The following USP34 variants were observed in gnomAD, a reference collection of about 807,000 sequenced individuals.
USP34 encodes ubiquitin carboxyl-terminal hydrolase 34.
A neutral mutation model predicts 460.3 loss-of-function variants in USP34; 70 were observed. The ratio of observed to expected loss-of-function variants is 0.15; its 90% CI spans 0.13 to 0.19. USP34 has a LOEUF of 0.19. USP34 is among the 10% of genes least tolerant of loss of function. The pLI, the probability that USP34 is intolerant of heterozygous loss-of-function variation, is 1.00. For synonymous variants in USP34, 1,647 were observed against 1,405.3 expected (o/e 1.17, Z -3.85); for missense variants, 3,985 against 4,236.2 (o/e 0.94, Z 1.65).
At chr2:61,194,568 G>T (rs1027139440) in intron 75 of USP34, among the ~76,000 whole-genome samples, 2 of 152,184 alleles carry the variant, frequency 1.3e-5, no homozygotes, top group Non-Finnish European at 2.9e-5. Context: ...CGTGATCACA[G>T]ATCAGGGGCA....
At chr2:61,387,388 C>T (rs147503077) in intron 5 of USP34, among the ~76,000 whole-genome samples, 1,548 of 151,836 alleles carry the variant, frequency 0.01, 26 homozygotes, top group African/African-American at 0.035. Flanking sequence ...TCGCTTGAAC[C>T]CAGGAGGTGG....
At chr2:61,463,719 A>G (rs1398698255) in intron 1 of USP34, among the ~76,000 whole-genome samples, 1 of 151,912 alleles carries the variant, frequency 6.6e-6, no homozygotes, top group Non-Finnish European at 1.5e-5. Flanking sequence ...CTGTAATCCC[A>G]GCTACTCAGG....
In USP34 at chr2:61,204,618, AGTTTGG is replaced by A; in HGVS notation, c.9155-23_9155-18del. The A allele has an allele frequency of 6.2e-7, 1 of 1,601,630 alleles. No homozygotes were observed. The highest frequency in any genetic ancestry group is 8.5e-7 in the Non-Finnish European group (1 of 1,171,616). On this transcript the variant is annotated intron_variant, in intron 72 of 79. Coordinates refer to ENST00000398571, the MANE Select transcript of USP34 (RefSeq NM_014709.4). ...TGAGGACATCTGAAAATAAAAACAA[AGTTTGG>A]GTAGCAAAAAATTAAGAGTTATATC...
chr2:61,229,619 C>T lies in USP34; in HGVS notation c.7128G>A (p.Leu2376=). The change falls in exon 59 of 80, where the codon TTG becomes TTA. Residue 2376 remains leucine (L), a synonymous_variant. Transcript: ENST00000398571. ...NQIVRQMFQR[L]CIHVIQRLRP... is the part of the protein sequence containing the mutation. ...TCAGCCTCTGAATCACATGGATACA[C>T]AAACGCTGAAACATCTGTGAAGAAA... 6.2e-7 allele frequency: 1 copy of T among 1,612,046 alleles called. No individual in the cohort carries two copies. Among genetic ancestry groups the T allele is most frequent in the Non-Finnish European group, 8.5e-7 (1 of 1,179,334 alleles).
rs2103807159 is a variant in USP34, at chr2:61,220,326, A to G, written c.8031T>C (p.Tyr2677=). ...WVERFLLAHN[Y]PRVRTSAAYL... ...TTGACTTACAAGTCCTCACTCTAGG[A>G]TAATTGTGAGCCAAAAGAAACCGCT... is the stretch of plus-strand genomic sequence containing the variant. Residue 2677 remains tyrosine, a synonymous_variant, in exon 67 of 80, where the codon TAT becomes TAC. Transcript: ENST00000398571. 1 of 1,613,608 alleles carries G rather than the reference A, an allele frequency of 6.2e-7. No individual in the cohort carries two copies. Among genetic ancestry groups the G allele is most frequent in the Middle Eastern group, 1.7e-4 (1 of 6,060 alleles).
At chr2:61,301,529 T>A in intron 27 of USP34, 75 bp from the exon 28 acceptor site, 1 of 1,309,946 alleles carries the variant, frequency 7.6e-7, no homozygotes, top group East Asian at 2.3e-5. Context: ...TATGTAGTTG[T>A]AGCAATTAAA....
intron 29 of USP34, among the ~76,000 whole-genome samples, chr2:61,298,786 A>G (rs1690127498): frequency 6.6e-6 from 1 of 152,012 alleles, no homozygotes; most frequent in South Asian, 2.1e-4. Context: ...GATTAAAAAA[A>G]AAAAATCATT....
At chr2:61,192,829 C>G (rs1190896064) in intron 76 of USP34, 72 bp downstream of exon 76, 4 of 1,318,710 alleles carry the variant, frequency 3.0e-6, no homozygotes, top group Non-Finnish European at 4.3e-6. Context: ...CTTCAACCCA[C>G]TGTTCCTAAA....
intron 5 of USP34, among the ~76,000 whole-genome samples, chr2:61,394,390 T>A (rs1213328652): frequency 6.6e-6 from 1 of 151,746 alleles, no homozygotes; most frequent in Non-Finnish European, 1.5e-5. Flanking sequence ...TAAAACTCTG[T>A]CTCTAAAAAA....
At position 61,367,991 on chromosome 2, in the gene USP34, TAAAG is replaced by T. The variant is rs577179336; in HGVS notation, c.1251+2326_1251+2329del. 4.6e-5 allele frequency among the ~76,000 whole-genome samples: 7 copies of T among 151,916 alleles called. No homozygotes were observed. The South Asian group carries it at 1.5e-3, about 32-fold the overall frequency. On this transcript the variant is annotated intron_variant, in intron 10 of 79. Coordinates refer to ENST00000398571, the MANE Select transcript of USP34 (RefSeq NM_014709.4). ...AATATTACAAAGAGGCAAGTAAAAA[TAAAG>T]AAAAAAATTAGTATAAACTCGATGA...
chr2:61,300,909 C>A, intron 29 of USP34, 42 bp downstream of exon 29: 1 of 1,407,160 alleles, frequency 7.1e-7, no homozygotes, highest in South Asian at 1.3e-5. Context: ...ATCCTCTCAA[C>A]AGAGACACAA....
At chr2:61,292,219 C>G (rs1689878432) in intron 33 of USP34, among the ~76,000 whole-genome samples, 1 of 151,728 alleles carries the variant, frequency 6.6e-6, no homozygotes, top group Non-Finnish European at 1.5e-5. Context: ...TAAAGGTATA[C>G]TTCAACTAAA....
intron 41 of USP34, 130 bp from the exon 42 acceptor site, chr2:61,266,297 C>T: frequency 5.0e-6 from 4 of 803,276 alleles, no homozygotes; most frequent in Non-Finnish European, 5.6e-6. Context: ...GATATACCAT[C>T]ATCTGAAAGT....
intron 70 of USP34, 31 bp from the exon 71 acceptor site, chr2:61,206,917 A>G (rs1204818063): frequency 6.2e-7 from 1 of 1,605,194 alleles, no homozygotes; most frequent in Non-Finnish European, 8.5e-7. Flanking sequence ...TTGAAAACTT[A>G]ATTTCATTTT....
chr2:61,422,637 A>G (rs977963397), intron 1 of USP34, among the ~76,000 whole-genome samples: 1 of 152,254 alleles, frequency 6.6e-6, no homozygotes, highest in Non-Finnish European at 1.5e-5. Flanking sequence ...CAATTCAATG[A>G]GGAAGAAAAT....
chr2:61,298,364 C>CAAAAAAAAAAA (rs11417017), intron 29 of USP34, among the ~76,000 whole-genome samples: 70 of 47,672 alleles, frequency 1.5e-3, no homozygotes, highest in Middle Eastern at 0.016. Context: ...TACAAAAATA[C>CAAAAAAAAAAA]AAAAAAAAAA....
intron 10 of USP34, among the ~76,000 whole-genome samples, chr2:61,352,813 G>C (rs972430075): frequency 6.6e-6 from 1 of 152,082 alleles, no homozygotes; most frequent in South Asian, 2.1e-4. Flanking sequence ...GGAGGACAAG[G>C]AGGATGAAGA....
chr2:61,225,903 T>G (rs1294514801), intron 62 of USP34, among the ~76,000 whole-genome samples: 2 of 152,230 alleles, frequency 1.3e-5, no homozygotes, highest in African/African-American at 4.8e-5. Flanking sequence ...TATCATGGCC[T>G]TCTTGAGCTT....
intron 41 of USP34, among the ~76,000 whole-genome samples, chr2:61,276,705 C>G (rs1343673040): frequency 6.6e-6 from 1 of 152,040 alleles, no homozygotes; most frequent in East Asian, 1.9e-4. Flanking sequence ...AGACTTCAAT[C>G]AACAAGGCTG....
Sources: allele counts gnomAD v4.1 joint callset (sites outside exome capture counted in the v4.1 genomes callset), GRCh38; gene constraint gnomAD v4.1.1; transcripts MANE v1.5; gene names NCBI Gene and HGNC (gene_info 2026-07-23, HGNC 2026-07-21).